FBXL13: variants seen among roughly 807,000 people sequenced by gnomAD.
FBXL13 encodes F-box and leucine-rich repeat protein 13.
FBXL13 carries 67 observed loss-of-function variants against 83.6 expected under a neutral mutation model. That is an observed-to-expected ratio of 0.80 (90% CI 0.66 to 0.98). FBXL13 has a LOEUF of 0.98. Among genes scored for constraint, FBXL13 ranks in the 50% least tolerant of loss-of-function variants. The probability of loss-of-function intolerance (pLI) is 0.00; values close to 1 mark genes in which losing one functional copy is unlikely to be tolerated. For missense variants in FBXL13, 822 were observed against 866.5 expected (o/e 0.95, Z 0.64); for synonymous variants, 272 against 299.5 (o/e 0.91, Z 0.95).
At chr7:103,071,232 CAT>C (rs1798923785) in intron 1 of FBXL13, among the ~76,000 whole-genome samples, 1 of 151,760 alleles carries the variant, frequency 6.6e-6, no homozygotes, top group Non-Finnish European at 1.5e-5. Flanking sequence ...AAAAAGCTAA[CAT>C]ATGTACGATT....
At chr7:102,887,752 T>C (rs1810986860) in intron 11 of FBXL13, among the ~76,000 whole-genome samples, 1 of 152,134 alleles carries the variant, frequency 6.6e-6, no homozygotes, top group South Asian at 2.1e-4. Flanking sequence ...ATCTCAAAAA[T>C]AAAAACAAAA....
Position 102,884,230 on chromosome 7 carries a change from G to A in FBXL13, c.1091C>T (p.Thr364Met), listed in dbSNP as rs752228847. The change falls in exon 12 of 20, where the codon ACG becomes ATG. Residue 364 changes from threonine to methionine, a missense_variant. By Grantham distance (81) the Thr-to-Met change is moderately conservative. Coordinates refer to ENST00000313221, the Ensembl canonical transcript of FBXL13. ...ACTACCTACTTTTACACAGTTGTCC[G>A]TCAGAGTTGGCATGTCATTAATGGT... 91 of 1,612,988 alleles carry A rather than the reference G, an allele frequency of 5.6e-5. 1 individual carries two copies. In the South Asian group the frequency reaches 7.0e-4, roughly 12 times the overall value.
chr7:102,954,042 C>G (rs1823845236), intron 8 of FBXL13, among the ~76,000 whole-genome samples: 1 of 152,136 alleles, frequency 6.6e-6, no homozygotes, highest in African/African-American at 2.4e-5. Flanking sequence ...TTCTGCATTT[C>G]CAACTGAGGT....
chr7:102,869,617 A>G (rs903410817), intron 16 of FBXL13, among the ~76,000 whole-genome samples: 1 of 152,158 alleles, frequency 6.6e-6, no homozygotes, highest in Admixed American at 6.5e-5. Flanking sequence ...TGGCTCTTAC[A>G]TTTAAGTCCT....
chr7:103,011,116 T>C (rs901493350), intron 6 of FBXL13, among the ~76,000 whole-genome samples: 2 of 152,216 alleles, frequency 1.3e-5, no homozygotes, highest in Admixed American at 1.3e-4. Flanking sequence ...GCAAGAACTC[T>C]GGCAATTCAA....
At chr7:102,883,434 A>T (rs1810377743) in exon 14 of FBXL13, 1 of 1,612,942 alleles carries the variant, frequency 6.2e-7, no homozygotes, top group African/African-American at 1.3e-5. Flanking sequence ...CTTGTCTATA[A>T]ATTTGAAGGA....
intron 19 of FBXL13, chr7:102,814,377 A>T (rs1797709664): frequency 6.6e-6 from 1 of 152,192 alleles, no homozygotes; most frequent in African/African-American, 2.4e-5. Flanking sequence ...AGTCATTGAT[A>T]TGGAGCTGGC....
At chr7:102,832,776 G>A in intron 18 of FBXL13, 64 bp downstream of exon 19, 1 of 1,596,200 alleles carries the variant, frequency 6.3e-7, no homozygotes, top group Admixed American at 1.7e-5. Context: ...CCTGATCGCT[G>A]TCCTGCCTTG....
At chr7:103,035,854 T>C (rs1795013395) in intron 2 of FBXL13, among the ~76,000 whole-genome samples, 1 of 152,246 alleles carries the variant, frequency 6.6e-6, no homozygotes, top group African/African-American at 2.4e-5. Flanking sequence ...CACCATATTA[T>C]AAAGTACCAT....
At chr7:103,008,040 G>A (rs968724530) in intron 6 of FBXL13, among the ~76,000 whole-genome samples, 21 of 152,136 alleles carry the variant, frequency 1.4e-4, no homozygotes, top group African/African-American at 5.1e-4. Context: ...GGTGATAGAT[G>A]GAGCCCAAGA....
chr7:103,015,797 C>A (rs867462987), intron 6 of FBXL13, among the ~76,000 whole-genome samples: 1,411 of 115,256 alleles, frequency 0.012, 3 homozygotes, highest in South Asian at 0.016. Flanking sequence ...ACTCTCATCT[C>A]AAAAAAAAAA....
In FBXL13 at chr7:102,846,981, A is replaced by C. The variant is rs114002767; in HGVS notation, c.1719+7796T>G. Among the ~76,000 whole-genome samples, 279 of 152,348 alleles carry C rather than the reference A, an allele frequency of 1.8e-3. 2 individuals carry two copies. Among genetic ancestry groups the C allele is most frequent in the African/African-American group, 6.4e-3 (266 of 41,584 alleles). On this transcript the variant is annotated intron_variant, in intron 17 of 19. Coordinates refer to ENST00000313221, the Ensembl canonical transcript of FBXL13. ...GTTTATATATTTTGAATGGTTGAAA[A>C]AAAAGCAACAGAAGAATAATATTTC...
intron 14 of FBXL13, among the ~76,000 whole-genome samples, chr7:102,881,104 T>C (rs1242007426): frequency 6.6e-6 from 1 of 152,152 alleles, no homozygotes; most frequent in Admixed American, 6.5e-5. Context: ...GGCAGAGCCC[T>C]TTGAAGTGTC....
intron 8 of FBXL13, among the ~76,000 whole-genome samples, chr7:102,963,007 A>G (rs1184104665): frequency 8.2e-6 from 1 of 122,318 alleles, no homozygotes; most frequent in Non-Finnish European, 1.6e-5. Flanking sequence ...ATATATATAT[A>G]AAAAAAAAAA....
At chr7:102,938,199 T>C (rs1482874715) in intron 8 of FBXL13, among the ~76,000 whole-genome samples, 1 of 152,208 alleles carries the variant, frequency 6.6e-6, no homozygotes, top group Non-Finnish European at 1.5e-5. Context: ...TTAAACTGCT[T>C]TAGCTTCACA....
intron 17 of FBXL13, among the ~76,000 whole-genome samples, chr7:102,836,783 C>T (rs755010835): frequency 1.3e-5 from 2 of 151,862 alleles, no homozygotes; most frequent in Non-Finnish European, 2.9e-5. Context: ...ATTTCACTCA[C>T]ATTTATTGAC....
rs527981664 is a variant in FBXL13, at chr7:103,004,310, A to G, written c.495+20753T>C. Among the ~76,000 whole-genome samples, 15 of 152,300 alleles carry G rather than the reference A, an allele frequency of 9.8e-5. No individual in the cohort carries two copies. The East Asian group carries it at 2.9e-3, about 29-fold the overall frequency. On this transcript the variant is annotated intron_variant, in intron 6 of 19. Coordinates refer to ENST00000313221, the Ensembl canonical transcript of FBXL13. Reference sequence around the variant, plus strand: ...CATCCAGGTTTGCCTCAGTTCTCACAAACATTCAGAGTGTTGCCCATCATA... The same window carrying G: ...CATCCAGGTTTGCCTCAGTTCTCACGAACATTCAGAGTGTTGCCCATCATA...
chr7:102,914,807 G>C (rs1815500706), intron 10 of FBXL13, among the ~76,000 whole-genome samples: 2 of 152,164 alleles, frequency 1.3e-5, no homozygotes, highest in African/African-American at 4.8e-5. Flanking sequence ...CCCCTCTCTT[G>C]GGGCTGTCGA....
At chr7:103,020,677 T>G (rs1793048656) in intron 6 of FBXL13, among the ~76,000 whole-genome samples, 1 of 152,204 alleles carries the variant, frequency 6.6e-6, no homozygotes, top group Non-Finnish European at 1.5e-5. Context: ...CAAGCATTCC[T>G]ATACACAAAT....
Sources: gnomAD v4.1 joint callset for allele counts (sites outside exome capture counted in the v4.1 genomes callset) on GRCh38, gnomAD v4.1.1 for gene constraint, MANE v1.5 for transcripts, NCBI Gene and HGNC (gene_info 2026-07-23, HGNC 2026-07-21) for gene names.